The following E2F4 variants were observed in gnomAD, a reference collection of about 807,000 sequenced individuals.
E2F4 encodes E2F transcription factor 4.
Under a neutral mutation model 44.5 loss-of-function variants are expected in E2F4, and 16 were observed. The ratio of observed to expected loss-of-function variants is 0.36; its 90% CI spans 0.24 to 0.55. The LOEUF (loss-of-function observed/expected upper bound fraction) is 0.55. Ranked by LOEUF, E2F4 falls within the 20% of genes least tolerant of loss-of-function variation. The probability of loss-of-function intolerance (pLI) is 0.87; values close to 1 mark genes in which losing one functional copy is unlikely to be tolerated. For missense variants in E2F4, 473 were observed against 522.1 expected, an observed-to-expected ratio of 0.91 and a Z score of 0.92; for synonymous variants, 242 against 207.2, an observed-to-expected ratio of 1.17 and a Z score of -1.44.
chr16:67,196,631 T>C (rs2032973818), intron 7 of E2F4, among the ~76,000 whole-genome samples: 1 of 152,160 alleles, frequency 6.6e-6, no homozygotes, highest in African/African-American at 2.4e-5. Context: ...GGTGAACGAA[T>C]CCCCAGCCTC....
intron 6 of E2F4, 110 bp downstream of exon 6, chr16:67,195,090 T>C (rs898916454): frequency 1.5e-6 from 2 of 1,367,668 alleles, no homozygotes; most frequent in Admixed American, 5.0e-5. Context: ...ATTGTCCTTT[T>C]CCTGACCACC....
At chr16:67,197,426 C>T (rs1036952838) in intron 7 of E2F4, among the ~76,000 whole-genome samples, 173 bp from the exon 8 acceptor site, 1 of 152,180 alleles carries the variant, frequency 6.6e-6, no homozygotes, top group African/African-American at 2.4e-5. Context: ...CTGAGGAATT[C>T]AGGTTTAGCA....
chr16:67,197,733 C>T (rs1213660902), intron 8 of E2F4, 87 bp downstream of exon 8: 1 of 1,598,508 alleles, frequency 6.3e-7, no homozygotes, highest in Non-Finnish European at 8.6e-7. Context: ...TTTTGAGGAC[C>T]TTGTTGTGGC....
chr16:67,192,985 C>G (rs781213749), intron 2 of E2F4, 24 bp from the exon 3 acceptor site: 1 of 1,563,116 alleles, frequency 6.4e-7, no homozygotes, highest in South Asian at 1.2e-5. Context: ...AGCAGTCCCT[C>G]TCAGCCCCAC....
In E2F4 at chr16:67,198,260, G is replaced by T. The variant is rs2033007611; in HGVS notation, c.*137G>T. The T allele has an allele frequency of 2.8e-6, 2 of 724,802 alleles. No individual in the cohort carries two copies. The highest frequency in any genetic ancestry group is 3.3e-5 in the South Asian group (2 of 61,294). The allele number at this position is 724,802 out of a possible 1,614,324, so 44.9% of individuals were successfully genotyped here. A position where few individuals can be genotyped will look rare whatever the true frequency, so the allele number is the denominator to read the frequency against. Reference sequence around the variant, plus strand: ...TTCTCCGGCCTCCCCTCACCGCACAGTTCTGGCCACAGCTCCCGCTCCTGT... The same window carrying T: ...TTCTCCGGCCTCCCCTCACCGCACATTTCTGGCCACAGCTCCCGCTCCTGT... On this transcript the variant is annotated 3_prime_UTR_variant, in exon 10 of 10. Coordinates refer to ENST00000379378, the MANE Select transcript of E2F4 (RefSeq NM_001950.4).
Position 67,194,800 on chromosome 16 carries a change from C to T in E2F4, c.628C>T (p.Pro210Ser). 6.2e-7 allele frequency: 1 copy of T among 1,614,206 alleles called. No individual in the cohort carries two copies. Among genetic ancestry groups the T allele is most frequent in the Non-Finnish European group, 8.5e-7 (1 of 1,180,028 alleles). The part of the protein sequence containing the change: ...WSSPPVAVPV[P>S]PPEDLLQSPS... ...CTCACCCCCTGTGGCTGTGCCTGTGCCACCACCTGAAGATTTGCTCCAGAG... is the reference window on the plus strand; with the variant it reads ...CTCACCCCCTGTGGCTGTGCCTGTGTCACCACCTGAAGATTTGCTCCAGAG... Residue 210 changes from proline (P) to serine (S), a missense_variant, in exon 6 of 10, where the codon CCA (proline) becomes TCA (serine). Pro to Ser is a moderately conservative substitution (Grantham distance 74, BLOSUM62 -1). Around this residue, in one of 3 missense-constraint regions of E2F4, gnomAD observed 314 missense variants for 315.6 expected, o/e 0.99. Coordinates refer to ENST00000379378, the MANE Select transcript of E2F4 (RefSeq NM_001950.4).
rs11700 is a variant in E2F4, at chr16:67,198,781, A to G, written c.*658A>G. The G allele has an allele frequency of 0.1, 21,722 of 213,958 alleles. 1,948 individuals are homozygous for G. The highest frequency in any genetic ancestry group is 0.27 in the African/African-American group (11,426 of 42,974). The allele number at this position is 213,958 out of a possible 1,614,324, so 13.3% of individuals were successfully genotyped here. A position where few individuals can be genotyped will look rare whatever the true frequency, so the allele number is the denominator to read the frequency against. ...GGCTTTTTCATTTACCCTCATTTAG[A>G]GCCATTTGCAGAGATTTAGAAAGAT... On this transcript the variant is annotated 3_prime_UTR_variant, in exon 10 of 10. Coordinates refer to ENST00000379378, the MANE Select transcript of E2F4 (RefSeq NM_001950.4).
At chr16:67,195,182 G>C (rs1422528983) in intron 6 of E2F4, among the ~76,000 whole-genome samples, 4 of 152,220 alleles carry the variant, frequency 2.6e-5, no homozygotes, top group African/African-American at 9.7e-5. Context: ...CCCCAGGCTG[G>C]AGTGTGCAAT....
chr16:67,194,217 A>AG (rs1401045092), intron 4 of E2F4, 181 bp from the exon 5 acceptor site: 12 of 616,784 alleles, frequency 1.9e-5, no homozygotes, highest in Non-Finnish European at 3.3e-5. Flanking sequence ...CTGGTTACTG[A>AG]CCCTGGGCTC....
chr16:67,195,073 G>C, intron 6 of E2F4, 93 bp downstream of exon 6: 1 of 1,468,154 alleles, frequency 6.8e-7, no homozygotes, highest in South Asian at 1.3e-5. Flanking sequence ...GACTCTTCAG[G>C]TTGGGGATTG....
Position 67,194,569 on chromosome 16 carries a change from C to T in E2F4, c.513+110C>T, listed in dbSNP as rs1311712438. The T allele has an allele frequency of 7.0e-6, 11 of 1,571,448 alleles. No homozygotes were observed. In the East Asian group the frequency reaches 2.0e-4, roughly 29 times the overall value. On this transcript the variant is annotated intron_variant, in intron 5 of 9. Transcript: ENST00000379378. ...GGGGAGGCCTGGAGTTTGGGGTTAT[C>T]TAGGAGGATGGGCATCCTGGGTGGG...
chr16:67,195,585 C>T (rs1161092164), intron 6 of E2F4, 197 bp from the exon 7 acceptor site: 1 of 1,193,426 alleles, frequency 8.4e-7, no homozygotes, highest in African/African-American at 1.5e-5. Context: ...CACGAGTCTT[C>T]TTCTGTAGGT....
chr16:67,198,264 T>G lies in E2F4; in HGVS notation c.*141T>G, dbSNP rs2033007782. The stretch of plus-strand genomic sequence containing the variant: ...CCGGCCTCCCCTCACCGCACAGTTC[T>G]GGCCACAGCTCCCGCTCCTGTGCTG... On this transcript the variant is annotated 3_prime_UTR_variant, in exon 10 of 10. Coordinates refer to ENST00000379378, the MANE Select transcript of E2F4 (RefSeq NM_001950.4). 2 of 700,468 alleles carry G rather than the reference T, an allele frequency of 2.9e-6. No individual in the cohort carries two copies. Among genetic ancestry groups the G allele is most frequent in the African/African-American group, 1.8e-5 (1 of 56,684 alleles). 43.4% of individuals were successfully genotyped at this position (700,468 alleles called of 1,614,324 possible). A position where few individuals can be genotyped will look rare whatever the true frequency, so the allele number is the denominator to read the frequency against.
chr16:67,197,825 T>C, intron 8 of E2F4, 42 bp from the exon 9 acceptor site: 1 of 1,613,312 alleles, frequency 6.2e-7, no homozygotes, highest in Non-Finnish European at 8.5e-7. Context: ...GGTGGAGAGG[T>C]GGGAGCTGGA....
chr16:67,192,955 C>T (rs557626686), intron 2 of E2F4, 54 bp from the exon 3 acceptor site: 2 of 1,559,482 alleles, frequency 1.3e-6, no homozygotes, highest in East Asian at 2.4e-5. Context: ...AAGGCAGGGG[C>T]CATGGGACCC....
Position 67,193,463 on chromosome 16 carries a change from C to T in E2F4, c.408-9C>T, listed in dbSNP as rs1275171336. 9.3e-6 allele frequency: 15 copies of T among 1,614,082 alleles called. No individual in the cohort carries two copies. Among genetic ancestry groups the T allele is most frequent in the African/African-American group, 5.3e-5 (4 of 74,936 alleles). On this transcript the variant is annotated splice_polypyrimidine_tract_variant and intron_variant, in intron 3 of 9. Coordinates refer to ENST00000379378, the MANE Select transcript of E2F4 (RefSeq NM_001950.4). ...ATAGGGCATCAGCCATTCTCCTTAA[C>T]CCTCACACTTTGGCCTACGTCACTC...
At chr16:67,197,831 C>G in intron 8 of E2F4, 36 bp from the exon 9 acceptor site, 1 of 1,613,818 alleles carries the variant, frequency 6.2e-7, no homozygotes, top group East Asian at 2.2e-5. Flanking sequence ...GAGGTGGGAG[C>G]TGGAATGTTA....
rs61735430 is a variant in E2F4 at position 67,198,073 on chromosome 16, G to A, written c.1192G>A (p.Glu398Lys). ...CCACGATTATATCTACAACCTGGAC[G>A]AGAGTGAAGGTGTCTGTGACCTCTT... ...GDHDYIYNLD[E>K]SEGVCDLFDV... Residue 398 changes from glutamate (E) to lysine (K), a missense_variant, in exon 10 of 10, where the codon GAG becomes AAG. Glu to Lys is a moderately conservative substitution (Grantham distance 56). Coordinates refer to ENST00000379378, the MANE Select transcript of E2F4 (RefSeq NM_001950.4). The A allele has an allele frequency of 3.5e-4, 567 of 1,614,056 alleles. No homozygotes were observed. The highest frequency in any genetic ancestry group is 4.5e-4 in the Non-Finnish European group (526 of 1,179,994).
chr16:67,192,216 C>G lies in E2F4; in HGVS notation c.-12C>G. ...GCCTGGCCTGGCTGAGGGGAGGCGG[C>G]GGGCGGGCGCGATGGCGGAGGCCGG... On this transcript the variant is annotated 5_prime_UTR_variant, in exon 1 of 10. Transcript: ENST00000379378. 1 of 1,062,894 alleles carries G rather than the reference C, an allele frequency of 9.4e-7. No individual in the cohort carries two copies. The highest frequency in any genetic ancestry group is 1.1e-6 in the Non-Finnish European group (1 of 875,576). The allele number at this position is 1,062,894 out of a possible 1,614,324, so 65.8% of individuals were successfully genotyped here.
Sources: gnomAD v4.1 joint callset for allele counts (sites outside exome capture counted in the v4.1 genomes callset) on GRCh38, gnomAD v4.1.1 for gene constraint, gnomAD v4.1.1 regional missense constraint, MANE v1.5 for transcripts, NCBI Gene and HGNC (gene_info 2026-07-23, HGNC 2026-07-21) for gene names.